The following FOXS1 variants were observed in gnomAD, a reference collection of about 807,000 sequenced individuals.
The protein encoded by FOXS1 is forkhead box protein S1.
FOXS1 carries 7 observed loss-of-function variants against 13.0 expected under a neutral mutation model. The ratio of observed to expected loss-of-function variants is 0.54; its 90% CI spans 0.31 to 1.01. The LOEUF is 1.01. Among genes scored for constraint, FOXS1 ranks in the 50% least tolerant of loss-of-function variants. The pLI, the probability that FOXS1 is intolerant of heterozygous loss-of-function variation, is 0.06. For missense variants in FOXS1, 414 were observed against 464.1 expected (o/e 0.89, Z 0.99); for synonymous variants, 161 against 189.3 (o/e 0.85, Z 1.23).
chr20:31,844,877 G>T lies in FOXS1; in HGVS notation c.666C>A (p.Ala222=), dbSNP rs138949553. The T allele has an allele frequency of 6.2e-6, 10 of 1,614,250 alleles. No homozygotes were observed. Among genetic ancestry groups the T allele is most frequent in the Non-Finnish European group, 8.5e-6 (10 of 1,180,028 alleles). The change falls in exon 1 of 1, where the codon GCC becomes GCA. Residue 222 remains alanine, a synonymous_variant. Transcript: ENST00000375978. ...SSSCPAFGFP[A]GFSEAESFNK... ...TAAAACTCTCAGCCTCTGAGAAGCC[G>T]GCAGGAAAGCCAAACGCTGGGCATG...
rs751819004 is a variant in FOXS1 at position 31,844,823 on chromosome 20, C to T, written c.720G>A (p.Pro240=). The T allele has an allele frequency of 3.7e-5, 60 of 1,614,074 alleles. No homozygotes were observed. Among genetic ancestry groups the T allele is most frequent in the Admixed American group, 6.7e-5 (4 of 60,010 alleles). The change falls in exon 1 of 1, where the codon CCG becomes CCA. Residue 240 remains proline (P), a synonymous_variant. Coordinates refer to ENST00000375978, the MANE Select transcript of FOXS1 (RefSeq NM_004118.4). ...FNKAPTPVLS[P]ESGIGSSYQC... The stretch of plus-strand genomic sequence containing the variant: ...GGTAGCTGCTCCCGATGCCTGATTC[C>T]GGGGACAAGACGGGCGTAGGGGCCT...
Position 31,844,720 on chromosome 20 carries a change from AG to A in FOXS1, c.822del (p.Ser275ProfsTer42), listed in dbSNP as rs2062362444. ...GLEHLLASAA[P>X]SPAPPTPPGS... ...CCTGGAGGGGTGGGTGGTGCAGGGG[AG>A]GGGGCTGCTGAGGCCAAGAGGTGCT... On this transcript the variant is annotated frameshift_variant, in exon 1 of 1. Transcript: ENST00000375978. LOFTEE classifies it high-confidence loss of function. 2 of 1,608,610 alleles carry A rather than the reference AG, an allele frequency of 1.2e-6. No individual in the cohort carries two copies. Among genetic ancestry groups the A allele is most frequent in the South Asian group, 1.1e-5 (1 of 90,950 alleles).
chr20:31,845,202 A>AAGC lies in FOXS1; in HGVS notation c.338_340dup (p.Arg113_Phe114insCys). 6.2e-7 allele frequency: 1 copy of AAGC among 1,612,134 alleles called. No homozygotes were observed. Among genetic ancestry groups the AAGC allele is most frequent in the Non-Finnish European group, 8.5e-7 (1 of 1,178,794 alleles). On this transcript the variant is annotated inframe_insertion, in exon 1 of 1. Transcript: ENST00000375978. ...GCCCTCAGCACCTGTCTGCCGGGTG[A>AAGC]AGCGGCGGCGGCGGCGTAGGAAGCT...
rs1364542442 is a variant in FOXS1, at chr20:31,845,474, G to A, written c.69C>T (p.Tyr23=). The A allele has an allele frequency of 1.9e-6, 3 of 1,614,224 alleles. No homozygotes were observed. The highest frequency in any genetic ancestry group is 1.6e-4 in the Middle Eastern group (1 of 6,062). Residue 23 remains tyrosine, a synonymous_variant, in exon 1 of 1, where the codon TAC becomes TAT. Transcript: ENST00000375978. The part of the protein sequence containing the change: ...TTEPTKPPYS[Y]IALIAMAIQS... ...GGATGGCCATAGCAATAAGGGCGATGTAGCTGTAGGGAGGCTTGGTTGGCT... is the reference window on the plus strand; with the variant it reads ...GGATGGCCATAGCAATAAGGGCGATATAGCTGTAGGGAGGCTTGGTTGGCT...
rs771006089 is a variant in FOXS1, at chr20:31,845,100, G to T, written c.443C>A (p.Thr148Asn). 5 of 1,608,558 alleles carry T rather than the reference G, an allele frequency of 3.1e-6. No individual in the cohort carries two copies. The highest frequency in any genetic ancestry group is 3.4e-6 in the Non-Finnish European group (4 of 1,178,470). ...SQDPGVPNAT[T>N]GRQCSFPPEL... The stretch of plus-strand genomic sequence containing the variant: ...TGGTGGGAATGAGCACTGCCTGCCG[G>T]TCGTGGCGTTGGGGACTCCTGGGTC... Residue 148 changes from threonine to asparagine, a missense_variant, in exon 1 of 1, where the codon ACC (threonine) becomes AAC (asparagine). Coordinates refer to ENST00000375978, the MANE Select transcript of FOXS1 (RefSeq NM_004118.4).
Position 31,844,810 on chromosome 20 carries a change from C to A in FOXS1, c.733G>T (p.Gly245Trp), listed in dbSNP as rs765725671. Residue 245 changes from glycine (G) to tryptophan (W), a missense_variant, in exon 1 of 1, where the codon GGG (glycine) becomes TGG (tryptophan). Transcript: ENST00000375978. ...TGCAGCCGACACTGGTAGCTGCTCC[C>A]GATGCCTGATTCCGGGGACAAGACG... ...TPVLSPESGI[G>W]SSYQCRLQAL... 6.2e-7 allele frequency: 1 copy of A among 1,614,176 alleles called. No homozygotes were observed. Among genetic ancestry groups the A allele is most frequent in the Admixed American group, 1.7e-5 (1 of 60,030 alleles).
rs2123153945 is a variant in FOXS1 at position 31,845,030 on chromosome 20, C to T, written c.513G>A (p.Gly171=). Residue 171 remains glycine, a synonymous_variant, in exon 1 of 1, where the codon GGG becomes GGA. Coordinates refer to ENST00000375978, the MANE Select transcript of FOXS1 (RefSeq NM_004118.4). The stretch of plus-strand genomic sequence containing the variant: ...CTGGGCACATACTGGCTGGCATGGC[C>T]CCCACCAGACCCCCAAAGCTTAGGC... The part of the protein sequence containing the change: ...PKGLSFGGLV[G]AMPASMCPAT... The T allele has an allele frequency of 6.2e-7, 1 of 1,613,072 alleles. No homozygotes were observed. The highest frequency in any genetic ancestry group is 1.3e-5 in the African/African-American group (1 of 75,054).
Position 31,844,399 on chromosome 20 carries a change from G to A in FOXS1, c.*151C>T. 1.0e-6 allele frequency: 1 copy of A among 973,734 alleles called. No homozygotes were observed. The highest frequency in any genetic ancestry group is 1.5e-6 in the Non-Finnish European group (1 of 646,034). The allele number at this position is 973,734 out of a possible 1,614,324, so 60.3% of individuals were successfully genotyped here. A position where few individuals can be genotyped will look rare whatever the true frequency, so the allele number is the denominator to read the frequency against. On this transcript the variant is annotated 3_prime_UTR_variant, in exon 1 of 1. Coordinates refer to ENST00000375978, the MANE Select transcript of FOXS1 (RefSeq NM_004118.4). ...CCCAAGTTTGTCCGGAGGCCCCAGGGGCCTGGCTGAGCACCGCTTCAATCC... is the reference window on the plus strand; with the variant it reads ...CCCAAGTTTGTCCGGAGGCCCCAGGAGCCTGGCTGAGCACCGCTTCAATCC...
rs779463483 is a variant in FOXS1, at chr20:31,844,779, A to C, written c.764T>G (p.Leu255Arg). 1.9e-6 allele frequency: 3 copies of C among 1,614,184 alleles called. No homozygotes were observed. The Admixed American group carries it at 5.0e-5, about 27-fold the overall frequency. The change falls in exon 1 of 1, where the codon CTG becomes CGG. Residue 255 changes from leucine (L) to arginine (R), a missense_variant. Transcript: ENST00000375978. ...GSSYQCRLQA[L>R]NFCMGADPGL... Reference sequence around the variant, plus strand: ...TGGGTCAGCCCCCATGCAAAAATTCAGTGCCTGCAGCCGACACTGGTAGCT... The same window carrying C: ...TGGGTCAGCCCCCATGCAAAAATTCCGTGCCTGCAGCCGACACTGGTAGCT...
At position 31,845,481 on chromosome 20, in the gene FOXS1, T is replaced by C; in HGVS notation, c.62A>G (p.Tyr21Cys). The change falls in exon 1 of 1, where the codon TAC (tyrosine) becomes TGC (cysteine). Residue 21 changes from tyrosine (Y) to cysteine (C), a missense_variant. By Grantham distance (194) the Tyr-to-Cys change is radical. Coordinates refer to ENST00000375978, the MANE Select transcript of FOXS1 (RefSeq NM_004118.4). ...APTTEPTKPPYSYIALIAMAI... is the reference protein window; with the variant it reads ...APTTEPTKPPCSYIALIAMAI... ...CATAGCAATAAGGGCGATGTAGCTG[T>C]AGGGAGGCTTGGTTGGCTCAGTTGT... The C allele has an allele frequency of 3.7e-6, 6 of 1,614,154 alleles. No individual in the cohort carries two copies. Among genetic ancestry groups the C allele is most frequent in the Non-Finnish European group, 5.1e-6 (6 of 1,180,008 alleles).
In FOXS1 at chr20:31,845,503, T is replaced by C. The variant is rs775193708; in HGVS notation, c.40A>G (p.Thr14Ala). 1 of 1,613,960 alleles carries C rather than the reference T, an allele frequency of 6.2e-7. No homozygotes were observed. The highest frequency in any genetic ancestry group is 2.2e-5 in the East Asian group (1 of 44,872). The change falls in exon 1 of 1, where the codon ACT becomes GCT. Residue 14 changes from threonine (T) to alanine (A), a missense_variant. Transcript: ENST00000375978. Reference protein sequence around the residue: ...QPLPGPGAPTTEPTKPPYSYI... With the variant: ...QPLPGPGAPTAEPTKPPYSYI... ...CTGTAGGGAGGCTTGGTTGGCTCAG[T>C]TGTGGGGGCGCCAGGCCCGGGCAGA...
At position 31,845,507 on chromosome 20, in the gene FOXS1, G is replaced by T; in HGVS notation, c.36C>A (p.Pro12=). Residue 12 remains proline, a synonymous_variant, in exon 1 of 1, where the codon CCC becomes CCA. Coordinates refer to ENST00000375978, the MANE Select transcript of FOXS1 (RefSeq NM_004118.4). ...AGGGAGGCTTGGTTGGCTCAGTTGT[G>T]GGGGCGCCAGGCCCGGGCAGAGGCT... ...QQQPLPGPGA[P]TTEPTKPPYS... is the part of the protein sequence containing the mutation. The T allele has an allele frequency of 6.2e-7, 1 of 1,613,976 alleles. No individual in the cohort carries two copies. The highest frequency in any genetic ancestry group is 1.7e-5 in the Admixed American group (1 of 60,032).
Position 31,844,887 on chromosome 20 carries a change from C to G in FOXS1, c.656G>C (p.Gly219Ala). The change falls in exon 1 of 1, where the codon GGC becomes GCC. Residue 219 changes from glycine (G) to alanine (A), a missense_variant. Transcript: ENST00000375978. ...AGCCTCTGAGAAGCCGGCAGGAAAG[C>G]CAAACGCTGGGCATGAGGAAGATGA... ...ATSSSSCPAFGFPAGFSEAES... is the reference protein window; with the variant it reads ...ATSSSSCPAFAFPAGFSEAES... The G allele has an allele frequency of 6.2e-7, 1 of 1,614,250 alleles. No homozygotes were observed. Among genetic ancestry groups the G allele is most frequent in the East Asian group, 2.2e-5 (1 of 44,888 alleles).
chr20:31,844,689 A>G lies in FOXS1; in HGVS notation c.854T>C (p.Leu285Pro). 6.4e-7 allele frequency: 1 copy of G among 1,567,920 alleles called. No individual in the cohort carries two copies. The highest frequency in any genetic ancestry group is 8.7e-7 in the Non-Finnish European group (1 of 1,147,254). Residue 285 changes from leucine (L) to proline (P), a missense_variant, in exon 1 of 1, where the codon CTC becomes CCC. Leu to Pro is a moderately conservative substitution (Grantham distance 98, BLOSUM62 -3). Coordinates refer to ENST00000375978, the MANE Select transcript of FOXS1 (RefSeq NM_004118.4). ...SPAPPTPPGS[L>P]RAPLPLPTDH... ...AGTTGGCAGGGGCAGTGGGGCCCGG[A>G]GTGAGCCTGGAGGGGTGGGTGGTGC...
Position 31,844,879 on chromosome 20 carries a change from C to G in FOXS1, c.664G>C (p.Ala222Pro). 1 of 1,614,242 alleles carries G rather than the reference C, an allele frequency of 6.2e-7. No homozygotes were observed. The highest frequency in any genetic ancestry group is 1.1e-5 in the South Asian group (1 of 91,090). ...AAACTCTCAGCCTCTGAGAAGCCGG[C>G]AGGAAAGCCAAACGCTGGGCATGAG... ...SSSCPAFGFP[A>P]GFSEAESFNK... Residue 222 changes from alanine (A) to proline (P), a missense_variant, in exon 1 of 1, where the codon GCC (alanine) becomes CCC (proline). Ala to Pro is a conservative substitution (Grantham distance 27). Coordinates refer to ENST00000375978, the MANE Select transcript of FOXS1 (RefSeq NM_004118.4).
Position 31,845,454 on chromosome 20 carries a change from G to C in FOXS1, c.89C>G (p.Ala30Gly), listed in dbSNP as rs868579840. 1 of 1,614,190 alleles carries C rather than the reference G, an allele frequency of 6.2e-7. No homozygotes were observed. The highest frequency in any genetic ancestry group is 8.5e-7 in the Non-Finnish European group (1 of 1,180,000). ...CCGCTGCCCCGGTGAGCTCTGGATG[G>C]CCATAGCAATAAGGGCGATGTAGCT... ...PYSYIALIAM[A>G]IQSSPGQRAT... The change falls in exon 1 of 1, where the codon GCC becomes GGC. Residue 30 changes from alanine (A) to glycine (G), a missense_variant. Coordinates refer to ENST00000375978, the MANE Select transcript of FOXS1 (RefSeq NM_004118.4).
chr20:31,844,871 G>C lies in FOXS1; in HGVS notation c.672C>G (p.Phe224Leu). The C allele has an allele frequency of 6.2e-7, 1 of 1,614,250 alleles. No homozygotes were observed. Among genetic ancestry groups the C allele is most frequent in the Non-Finnish European group, 8.5e-7 (1 of 1,180,034 alleles). ...SCPAFGFPAG[F>L]SEAESFNKAP... ...CCTTATTAAAACTCTCAGCCTCTGA[G>C]AAGCCGGCAGGAAAGCCAAACGCTG... The change falls in exon 1 of 1, where the codon TTC (phenylalanine) becomes TTG (leucine). Residue 224 changes from phenylalanine (F) to leucine (L), a missense_variant. By Grantham distance (22) the Phe-to-Leu change is conservative. Coordinates refer to ENST00000375978, the MANE Select transcript of FOXS1 (RefSeq NM_004118.4).
In FOXS1 at chr20:31,845,413, T is replaced by C. The variant is rs2062369164; in HGVS notation, c.130A>G (p.Ile44Val). 6.2e-7 allele frequency: 1 copy of C among 1,614,116 alleles called. No individual in the cohort carries two copies. Among genetic ancestry groups the C allele is most frequent in the Non-Finnish European group, 8.5e-7 (1 of 1,180,030 alleles). ...AATCGGCCCATGATGTAGCGGTAGA[T>C]GCCACTGAGGGTGGCCCGCTGCCCC... ...SPGQRATLSG[I>V]YRYIMGRFAF... is the part of the protein sequence containing the mutation. The change falls in exon 1 of 1, where the codon ATC becomes GTC. Residue 44 changes from isoleucine (I) to valine (V), a missense_variant. Transcript: ENST00000375978.
chr20:31,844,675 G>A lies in FOXS1; in HGVS notation c.868C>T (p.Pro290Ser), dbSNP rs771005189. ...TPPGSLRAPL[P>S]LPTDHKEPWV... ...GGTTCCTTGTGGTCAGTTGGCAGGG[G>A]CAGTGGGGCCCGGAGTGAGCCTGGA... is the stretch of plus-strand genomic sequence containing the variant. The change falls in exon 1 of 1, where the codon CCC (proline) becomes TCC (serine). Residue 290 changes from proline (P) to serine (S), a missense_variant. Coordinates refer to ENST00000375978, the MANE Select transcript of FOXS1 (RefSeq NM_004118.4). 1 of 1,613,520 alleles carries A rather than the reference G, an allele frequency of 6.2e-7. No homozygotes were observed. The highest frequency in any genetic ancestry group is 2.2e-5 in the East Asian group (1 of 44,862).
Sources: allele counts gnomAD v4.1 joint callset, GRCh38; gene constraint gnomAD v4.1.1; transcripts MANE v1.5; gene names NCBI Gene and HGNC (gene_info 2026-07-23, HGNC 2026-07-21).